COL25A1: variants seen among roughly 807,000 people sequenced by gnomAD.
COL25A1 encodes the protein collagen alpha-1(XXV) chain.
In COL25A1, 103 loss-of-function variants were observed where a neutral mutation model predicts 128.4. That is an observed-to-expected ratio of 0.80 (90% CI 0.68 to 0.94). The LOEUF is 0.94. Ranked by LOEUF, COL25A1 falls within the 40% of genes least tolerant of loss-of-function variation. The probability of loss-of-function intolerance (pLI) is 0.00; values close to 1 mark genes in which losing one functional copy is unlikely to be tolerated. For missense variants in COL25A1, 745 were observed against 840.0 expected (o/e 0.89, Z 1.40); for synonymous variants, 279 against 277.2 (o/e 1.01, Z -0.06).
chr4:109,166,065 A>AT (rs1773046482), intron 3 of COL25A1, among the ~76,000 whole-genome samples: 1 of 152,144 alleles, frequency 6.6e-6, no homozygotes, highest in Non-Finnish European at 1.5e-5. Flanking sequence ...AATTAGATCA[A>AT]TTTTTCTACT....
At chr4:108,872,593 C>G (rs1301335082) in intron 19 of COL25A1, among the ~76,000 whole-genome samples, 1 of 152,058 alleles carries the variant, frequency 6.6e-6, no homozygotes, top group Non-Finnish European at 1.5e-5. Flanking sequence ...GCCAGTTTTT[C>G]TTCATATACT....
chr4:109,030,856 G>A (rs1160299312), intron 5 of COL25A1, among the ~76,000 whole-genome samples: 7 of 151,864 alleles, frequency 4.6e-5, no homozygotes, highest in Non-Finnish European at 1.0e-4. Context: ...TGGCTCAAGC[G>A]ATCCTCCCAC....
In COL25A1 at chr4:109,006,906, T is replaced by G. The variant is rs1648013; in HGVS notation, c.438+3452A>C. ...GGGAGCAACACACATTGGGCACCTG[T>G]GGGGGCTTGGGGGAAGAAAGAGCAT... is the stretch of plus-strand genomic sequence containing the variant. On this transcript the variant is annotated intron_variant, in intron 6 of 37. Transcript: ENST00000399132. Among the ~76,000 whole-genome samples the G allele has an allele frequency of 7.4e-3, 1,131 of 151,918 alleles. 6 individuals carry two copies. The highest frequency in any genetic ancestry group is 0.012 in the Non-Finnish European group (827 of 67,954).
In COL25A1 at chr4:108,809,085, T is replaced by C. The variant is rs1730596516; in HGVS notation, c.*4842A>G. 6.6e-6 allele frequency: 1 copy of C among 152,160 alleles called. No individual in the cohort carries two copies. Among genetic ancestry groups the C allele is most frequent in the African/African-American group, 2.4e-5 (1 of 41,448 alleles). The allele number at this position is 152,160 out of a possible 1,614,324, so 9.4% of individuals were successfully genotyped here. On this transcript the variant is annotated 3_prime_UTR_variant, in exon 38 of 38. Coordinates refer to ENST00000399132, the MANE Select transcript of COL25A1 (RefSeq NM_198721.4). ...TACTGAGATAAACAGGTTTGTGCCA[T>C]ATTTACAGTGATAAGACACAACACA...
At chr4:108,910,498 C>G (rs895313794) in intron 13 of COL25A1, among the ~76,000 whole-genome samples, 1 of 151,986 alleles carries the variant, frequency 6.6e-6, no homozygotes. Context: ...CATTATAATC[C>G]CTATTTGAAA....
intron 3 of COL25A1, among the ~76,000 whole-genome samples, chr4:109,058,970 G>A (rs944610360): frequency 7.2e-5 from 11 of 152,144 alleles, no homozygotes; most frequent in Non-Finnish European, 1.2e-4. Context: ...AGAGGGTAAC[G>A]CAGAAGTCTG....
At chr4:108,998,580 A>T (rs1239693993) in intron 6 of COL25A1, among the ~76,000 whole-genome samples, 4 of 152,202 alleles carry the variant, frequency 2.6e-5, no homozygotes, top group Non-Finnish European at 5.9e-5. Flanking sequence ...CCATCAGGCT[A>T]CCAATGACTT....
intron 3 of COL25A1, among the ~76,000 whole-genome samples, chr4:109,108,445 C>G (rs558848370): frequency 1.3e-5 from 2 of 152,040 alleles, no homozygotes; most frequent in East Asian, 1.9e-4. Context: ...GGACATTTGG[C>G]TTGGTTCCAA....
chr4:109,074,052 C>T (rs543945635), intron 3 of COL25A1, among the ~76,000 whole-genome samples: 18 of 152,234 alleles, frequency 1.2e-4, no homozygotes, highest in Middle Eastern at 3.4e-3. Context: ...CTGTGGTTTT[C>T]GGATCAAACT....
intron 3 of COL25A1, among the ~76,000 whole-genome samples, chr4:109,231,351 C>T (rs1779154425): frequency 6.6e-6 from 1 of 152,080 alleles, no homozygotes; most frequent in Non-Finnish European, 1.5e-5. Context: ...TAGAATTCTA[C>T]CATGTAGAAT....
chr4:109,053,151 C>A (rs145929495), intron 3 of COL25A1, among the ~76,000 whole-genome samples: 2 of 151,976 alleles, frequency 1.3e-5, no homozygotes, highest in Admixed American at 6.5e-5. Context: ...CAGAGAGAGA[C>A]GACAAAACCA....
chr4:109,267,017 A>C (rs1781842660), intron 3 of COL25A1, among the ~76,000 whole-genome samples: 1 of 152,204 alleles, frequency 6.6e-6, no homozygotes, highest in African/African-American at 2.4e-5. Flanking sequence ...AAGAAAACAG[A>C]AAGAATGTAA....
intron 16 of COL25A1, 49 bp from the exon 17 acceptor site, chr4:108,889,782 A>C: frequency 6.4e-7 from 1 of 1,550,858 alleles, no homozygotes; most frequent in South Asian, 1.1e-5. Flanking sequence ...GGGAATAGGA[A>C]ACATCACAAG....
chr4:108,922,299 G>A (rs996768670), intron 11 of COL25A1, among the ~76,000 whole-genome samples: 1 of 152,142 alleles, frequency 6.6e-6, no homozygotes, highest in Non-Finnish European at 1.5e-5. Context: ...CATTGTCTAT[G>A]ATTCCATTTT....
At chr4:109,231,188 T>C (rs2126220577) in intron 3 of COL25A1, among the ~76,000 whole-genome samples, 1 of 152,110 alleles carries the variant, frequency 6.6e-6, no homozygotes, top group African/African-American at 2.4e-5. Context: ...AAAATTTTCT[T>C]ACATTAAAGT....
chr4:109,258,608 G>A (rs1364592324), intron 3 of COL25A1, among the ~76,000 whole-genome samples: 1 of 152,040 alleles, frequency 6.6e-6, no homozygotes, highest in Admixed American at 6.6e-5. Context: ...AATCATAATT[G>A]CTATTGCCTT....
chr4:109,096,661 T>A (rs770474655), intron 3 of COL25A1, among the ~76,000 whole-genome samples: 1 of 152,070 alleles, frequency 6.6e-6, no homozygotes, highest in African/African-American at 2.4e-5. Context: ...TTAAAAGTTA[T>A]ATAGATTTAA....
chr4:108,951,360 C>T (rs7677536), intron 8 of COL25A1, among the ~76,000 whole-genome samples: 6,612 of 151,482 alleles, frequency 0.044, 364 homozygotes, highest in African/African-American at 0.13. Flanking sequence ...TGAAGATAAA[C>T]ATTTTTTCAT....
rs548660496 is a variant in COL25A1 at position 108,824,623 on chromosome 4, G to A, written c.1792-396C>T. On this transcript the variant is annotated intron_variant, in intron 34 of 37. Coordinates refer to ENST00000399132, the MANE Select transcript of COL25A1 (RefSeq NM_198721.4). ...GTTAAATGTGATGATGTACTACAAAGTACCAGAATGATGCCTGCCCATAAC... is the reference window on the plus strand; with the variant it reads ...GTTAAATGTGATGATGTACTACAAAATACCAGAATGATGCCTGCCCATAAC... Among the ~76,000 whole-genome samples, 154 of 152,296 alleles carry A rather than the reference G, an allele frequency of 1.0e-3. 1 individual carries two copies. Among genetic ancestry groups the A allele is most frequent in the African/African-American group, 3.6e-3 (150 of 41,546 alleles).
Sources: allele counts gnomAD v4.1 joint callset (sites outside exome capture counted in the v4.1 genomes callset), GRCh38; gene constraint gnomAD v4.1.1; transcripts MANE v1.5; gene names NCBI Gene and HGNC (gene_info 2026-07-23, HGNC 2026-07-21).